The following SLC40A1 variants were observed in gnomAD, a reference collection of about 807,000 sequenced individuals.
The protein encoded by SLC40A1 is solute carrier family 40 member 1, also known as ferroportin.
In SLC40A1, 16 loss-of-function variants were observed where a neutral mutation model predicts 53.5. The ratio of observed to expected loss-of-function variants is 0.30; its 90% CI spans 0.20 to 0.45. SLC40A1 has a LOEUF of 0.45. Ranked by LOEUF, SLC40A1 falls within the 20% of genes least tolerant of loss-of-function variation. The pLI is 1.00. For synonymous variants in SLC40A1, 247 were observed against 253.2 expected (o/e 0.98, Z 0.23); for missense variants, 545 against 695.4 (o/e 0.78, Z 2.43).
chr2:189,571,734 T>C lies in SLC40A1; in HGVS notation c.495A>G (p.Glu165=). ...QRDWIVVVAG[E]DRSKLANMNA... Reference sequence around the variant, plus strand: ...AATTACTTGCTAGTTTGCTTCTGTCTTCTCCTGCAACAACAACAATCCAAT... The same window carrying C: ...AATTACTTGCTAGTTTGCTTCTGTCCTCTCCTGCAACAACAACAATCCAAT... The change falls in exon 5 of 8, where the codon GAA becomes GAG. Residue 165 remains glutamate, a synonymous_variant. Coordinates refer to ENST00000261024, the MANE Select transcript of SLC40A1 (RefSeq NM_014585.6). 1 of 1,612,846 alleles carries C rather than the reference T, an allele frequency of 6.2e-7. No homozygotes were observed. The highest frequency in any genetic ancestry group is 8.5e-7 in the Non-Finnish European group (1 of 1,178,942).
At chr2:189,573,886 A>C (rs959385554) in intron 3 of SLC40A1, among the ~76,000 whole-genome samples, 14 of 152,218 alleles carry the variant, frequency 9.2e-5, no homozygotes, top group Non-Finnish European at 2.1e-4. Flanking sequence ...CAACATATTC[A>C]TTCATTCACT....
chr2:189,571,427 GTTGA>G (rs1373114243), intron 5 of SLC40A1, among the ~76,000 whole-genome samples: 3 of 147,824 alleles, frequency 2.0e-5, no homozygotes, highest in Non-Finnish European at 4.5e-5. Flanking sequence ...CATTTAGAAA[GTTGA>G]TTGAATTTTT....
chr2:189,572,633 T>C (rs925954973), intron 4 of SLC40A1: 8 of 595,552 alleles, frequency 1.3e-5, no homozygotes, highest in African/African-American at 5.6e-5. Flanking sequence ...TAGAAACCAA[T>C]AGGACAAAAT....
At chr2:189,580,029 G>C (rs1157922005) in intron 1 of SLC40A1, 149 bp from the exon 2 acceptor site, 2 of 833,274 alleles carry the variant, frequency 2.4e-6, no homozygotes, top group African/African-American at 1.7e-5. Flanking sequence ...AGTTACCTAT[G>C]AACCGATGTA....
In SLC40A1 at chr2:189,571,982, C is replaced by T. The variant is rs111571198; in HGVS notation, c.388-141G>A. On this transcript the variant is annotated intron_variant, in intron 4 of 7. Coordinates refer to ENST00000261024, the MANE Select transcript of SLC40A1 (RefSeq NM_014585.6). The stretch of plus-strand genomic sequence containing the variant: ...ATTTCATTTATAAGAAATCATTTTA[C>T]GTTATAGATATGAAACTGAATGAAT... 6,167 of 675,228 alleles carry T rather than the reference C, an allele frequency of 9.1e-3. 48 individuals carry two copies. The highest frequency in any genetic ancestry group is 0.012 in the Non-Finnish European group (4,412 of 376,844). 41.8% of individuals were successfully genotyped at this position (675,228 alleles called of 1,614,324 possible). A position where few individuals can be genotyped will look rare whatever the true frequency, so the allele number is the denominator to read the frequency against.
intron 3 of SLC40A1, among the ~76,000 whole-genome samples, chr2:189,573,884 TCATTCATTCACTCATG>T (rs1348350964): frequency 6.6e-6 from 1 of 152,216 alleles, no homozygotes; most frequent in African/African-American, 2.4e-5. Flanking sequence ...CCCAACATAT[TCATTCATTCACTCATG>T]CATTCATTCA....
intron 6 of SLC40A1, 146 bp downstream of exon 6, chr2:189,565,208 G>T: frequency 9.7e-7 from 1 of 1,033,612 alleles, no homozygotes; most frequent in Non-Finnish European, 1.4e-6. Flanking sequence ...GCCTGCTCTT[G>T]CCTCGTCTAC....
chr2:189,575,066 T>C, intron 3 of SLC40A1, 95 bp downstream of exon 3: 1 of 1,384,220 alleles, frequency 7.2e-7, no homozygotes, highest in Non-Finnish European at 1.0e-6. Context: ...CATTCCCTGG[T>C]TGTTTCTCTC....
intron 7 of SLC40A1, 53 bp from the exon 8 acceptor site, chr2:189,562,244 T>C (rs1422317064): frequency 5.1e-6 from 7 of 1,366,206 alleles, no homozygotes; most frequent in Non-Finnish European, 7.1e-6. Flanking sequence ...GGCATACATT[T>C]CAAATCACAG....
At chr2:189,576,067 G>A (rs1438408183) in intron 2 of SLC40A1, among the ~76,000 whole-genome samples, 3 of 152,300 alleles carry the variant, frequency 2.0e-5, no homozygotes, top group East Asian at 1.9e-4. Context: ...AGAATATAGG[G>A]AATTTTGGAG....
intron 5 of SLC40A1, among the ~76,000 whole-genome samples, chr2:189,570,037 T>C (rs1045749724): frequency 7.3e-6 from 1 of 137,822 alleles, no homozygotes; most frequent in Non-Finnish European, 1.6e-5. Context: ...TGTATGTATA[T>C]ATATATACAC....
chr2:189,565,643 CAA>C (rs1559011185), intron 5 of SLC40A1, 44 bp from the exon 6 acceptor site: 2 of 1,612,242 alleles, frequency 1.2e-6, no homozygotes, highest in Admixed American at 1.7e-5. Context: ...GCAAACCCAT[CAA>C]AGAGAGACTG....
intron 4 of SLC40A1, 112 bp from the exon 5 acceptor site, chr2:189,571,953 T>G (rs2031141961): frequency 4.0e-6 from 3 of 749,264 alleles, no homozygotes; most frequent in Non-Finnish European, 7.1e-6. Flanking sequence ...AAAAAAGTAT[T>G]TTAATTTCAT....
chr2:189,566,672 C>A (rs1229249322), intron 5 of SLC40A1, among the ~76,000 whole-genome samples: 1 of 152,142 alleles, frequency 6.6e-6, no homozygotes, highest in South Asian at 2.1e-4. Flanking sequence ...ACATATATGG[C>A]TTCAGGTACA....
chr2:189,571,854 A>G lies in SLC40A1; in HGVS notation c.388-13T>C. 6.4e-7 allele frequency: 1 copy of G among 1,570,132 alleles called. No homozygotes were observed. The highest frequency in any genetic ancestry group is 8.8e-7 in the Non-Finnish European group (1 of 1,140,156). ...TATAGCAGGAAGTCTAAAGAATGAC[A>G]AGAAAAAAATGAGTTATAATGTCAG... On this transcript the variant is annotated splice_polypyrimidine_tract_variant and intron_variant, in intron 4 of 7. Transcript: ENST00000261024.
chr2:189,579,883 G>C lies in SLC40A1; in HGVS notation c.44-3C>G. 6.2e-7 allele frequency: 1 copy of C among 1,614,090 alleles called. No individual in the cohort carries two copies. Among genetic ancestry groups the C allele is most frequent in the Non-Finnish European group, 8.5e-7 (1 of 1,179,946 alleles). ...GGTCAGGTAGTCGGCCAAGGATCCTGCAAAGACACAGGCGGGGTGACAAAA... is the reference window on the plus strand; with the variant it reads ...GGTCAGGTAGTCGGCCAAGGATCCTCCAAAGACACAGGCGGGGTGACAAAA... On this transcript the variant is annotated splice_region_variant and splice_polypyrimidine_tract_variant and intron_variant, in intron 1 of 7. Coordinates refer to ENST00000261024, the MANE Select transcript of SLC40A1 (RefSeq NM_014585.6).
At chr2:189,571,615 T>C in intron 5 of SLC40A1, 100 bp downstream of exon 5, 6 of 1,533,298 alleles carry the variant, frequency 3.9e-6, no homozygotes, top group Admixed American at 2.0e-5. Context: ...TCTTAAAAAA[T>C]ACCCAGAACA....
At chr2:189,568,870 T>C (rs1189160656) in intron 5 of SLC40A1, among the ~76,000 whole-genome samples, 2 of 152,094 alleles carry the variant, frequency 1.3e-5, no homozygotes, top group Admixed American at 1.3e-4. Flanking sequence ...TCTCAGAAGA[T>C]ACTAATAAAG....
In SLC40A1 at chr2:189,562,100, G is replaced by T. The variant is rs1222037790; in HGVS notation, c.1494C>A (p.Ser498=). 1.2e-6 allele frequency: 2 copies of T among 1,613,810 alleles called. No homozygotes were observed. Among genetic ancestry groups the T allele is most frequent in the Non-Finnish European group, 1.7e-6 (2 of 1,179,754 alleles). The stretch of plus-strand genomic sequence containing the variant: ...GCAGAAGATCAAGAAGATAGTTCAT[G>T]GAGTTCTGTACACCATTTATAATGC... ...ERGIINGVQN[S]MNYLLDLLHF... The change falls in exon 8 of 8, where the codon TCC becomes TCA. Residue 498 remains serine (S), a synonymous_variant. Coordinates refer to ENST00000261024, the MANE Select transcript of SLC40A1 (RefSeq NM_014585.6).
Sources: gnomAD v4.1 joint callset for allele counts (sites outside exome capture counted in the v4.1 genomes callset) on GRCh38, gnomAD v4.1.1 for gene constraint, MANE v1.5 for transcripts, NCBI Gene and HGNC (gene_info 2026-07-23, HGNC 2026-07-21) for gene names.